Variants in PRTG observed in about 807,000 individuals in gnomAD.
PRTG encodes the protein immunoglobulin superfamily, DCC subclass, member 5.
PRTG carries 67 observed loss-of-function variants against 122.5 expected under a neutral mutation model. The ratio of observed to expected loss-of-function variants is 0.55; its 90% CI spans 0.45 to 0.67. PRTG has a LOEUF of 0.67. Ranked by LOEUF, PRTG falls within the 30% of genes least tolerant of loss-of-function variation. The probability of loss-of-function intolerance (pLI) is 0.00; values close to 1 mark genes in which losing one functional copy is unlikely to be tolerated. For synonymous variants in PRTG, 554 were observed against 501.1 expected (o/e 1.11, Z -1.41); for missense variants, 1,435 against 1,415.4 (o/e 1.01, Z -0.22).
At chr15:55,727,725 G>A (rs1021442948) in intron 2 of PRTG, among the ~76,000 whole-genome samples, 25 of 152,098 alleles carry the variant, frequency 1.6e-4, no homozygotes, top group African/African-American at 5.8e-4. Flanking sequence ...GAACCCAGCG[G>A]GCAGTGGTTG....
chr15:55,738,086 AT>A (rs2031493831), intron 2 of PRTG: 1 of 143,030 alleles, frequency 7.0e-6, no homozygotes, highest in Non-Finnish European at 1.5e-5. Flanking sequence ...ATATATATAT[AT>A]ATATATTTAC....
At chr15:55,719,730 C>T (rs976654744) in intron 2 of PRTG, among the ~76,000 whole-genome samples, 6 of 152,106 alleles carry the variant, frequency 3.9e-5, no homozygotes, top group African/African-American at 1.4e-4. Flanking sequence ...GAGAAATTGT[C>T]TCACTTAAGT....
At chr15:55,623,266 C>T (rs1452796283) in intron 18 of PRTG, among the ~76,000 whole-genome samples, 2 of 151,822 alleles carry the variant, frequency 1.3e-5, no homozygotes, top group African/African-American at 4.8e-5. Context: ...TTGTAAACAA[C>T]CTTTAAAAAT....
intron 11 of PRTG, among the ~76,000 whole-genome samples, chr15:55,642,034 C>T (rs535695295): frequency 6.6e-6 from 1 of 150,634 alleles, no homozygotes; most frequent in African/African-American, 2.4e-5. Context: ...ATTAGCCGGG[C>T]GCAGTGGCGG....
At chr15:55,664,178 G>A (rs1196018992) in intron 11 of PRTG, among the ~76,000 whole-genome samples, 5 of 151,948 alleles carry the variant, frequency 3.3e-5, no homozygotes, top group African/African-American at 1.2e-4. Context: ...AGTTTCACTC[G>A]TTGCCCAGGC....
Position 55,639,775 on chromosome 15 carries a change from T to G in PRTG, c.2191A>C (p.Lys731Gln), listed in dbSNP as rs754307606. Residue 731 changes from lysine (K) to glutamine (Q), a missense_variant, in exon 13 of 20, where the codon AAG becomes CAG. By Grantham distance (53) the Lys-to-Gln change is moderately conservative. Coordinates refer to ENST00000389286, the MANE Select transcript of PRTG (RefSeq NM_173814.6). Reference protein sequence around the residue: ...PPPPPHHLYAKANTSSSIFLH... With the variant: ...PPPPPHHLYAQANTSSSIFLH... Reference sequence around the variant, plus strand: ...AAGATGGAAGATGAGGTGTTAGCCTTCGCATAGAGATGGTGGGGTGGTGGT... The same window carrying G: ...AAGATGGAAGATGAGGTGTTAGCCTGCGCATAGAGATGGTGGGGTGGTGGT... 6.2e-7 allele frequency: 1 copy of G among 1,614,186 alleles called. No homozygotes were observed. The highest frequency in any genetic ancestry group is 1.1e-5 in the South Asian group (1 of 91,076).
At chr15:55,651,478 TC>T (rs1265484416) in intron 11 of PRTG, among the ~76,000 whole-genome samples, 1 of 152,136 alleles carries the variant, frequency 6.6e-6, no homozygotes, top group Non-Finnish European at 1.5e-5. Context: ...GTAGGAAGCT[TC>T]TATACCATAC....
intron 2 of PRTG, among the ~76,000 whole-genome samples, chr15:55,692,811 G>A (rs537511416): frequency 2.5e-5 from 3 of 118,752 alleles, no homozygotes; most frequent in Non-Finnish European, 5.5e-5. Context: ...AGTGTTTACT[G>A]TTTTTCCAAT....
intron 2 of PRTG, among the ~76,000 whole-genome samples, chr15:55,690,708 TAATC>T (rs2059595918): frequency 6.6e-6 from 1 of 152,172 alleles, no homozygotes; most frequent in Admixed American, 6.5e-5. Flanking sequence ...AGATAAGGAA[TAATC>T]AACCCAAATT....
chr15:55,659,495 T>G (rs530917753), intron 11 of PRTG, among the ~76,000 whole-genome samples: 3 of 152,272 alleles, frequency 2.0e-5, no homozygotes, highest in African/African-American at 7.2e-5. Flanking sequence ...CAAACTATAG[T>G]GTCCACTATT....
chr15:55,683,510 G>A (rs2059552917), intron 3 of PRTG, among the ~76,000 whole-genome samples: 1 of 152,104 alleles, frequency 6.6e-6, no homozygotes, highest in Non-Finnish European at 1.5e-5. Context: ...CTAAAACCCT[G>A]GGCTGCAGTC....
At chr15:55,714,612 C>G (rs558213661) in intron 2 of PRTG, among the ~76,000 whole-genome samples, 2 of 152,078 alleles carry the variant, frequency 1.3e-5, no homozygotes, top group African/African-American at 4.8e-5. Flanking sequence ...ATTTCCCCTC[C>G]TTATGCATCA....
At chr15:55,653,891 T>G (rs373780916) in intron 11 of PRTG, among the ~76,000 whole-genome samples, 14 of 152,260 alleles carry the variant, frequency 9.2e-5, no homozygotes, top group African/African-American at 3.1e-4. Context: ...TTTTTGATCA[T>G]GTAATTTCAT....
intron 18 of PRTG, among the ~76,000 whole-genome samples, chr15:55,623,055 T>C (rs1164291594): frequency 1.3e-5 from 2 of 152,214 alleles, no homozygotes; most frequent in Admixed American, 1.3e-4. Context: ...ATCTGTTGAA[T>C]ATAATTCATA....
rs570902378 is a variant in PRTG at position 55,618,242 on chromosome 15, A to C, written c.*1770T>G. The C allele has an allele frequency of 6.6e-6, 1 of 152,310 alleles. No homozygotes were observed. The highest frequency in any genetic ancestry group is 1.9e-4 in the East Asian group (1 of 5,188). The allele number at this position is 152,310 out of a possible 1,614,324, so 9.4% of individuals were successfully genotyped here. A position where few individuals can be genotyped will look rare whatever the true frequency, so the allele number is the denominator to read the frequency against. On this transcript the variant is annotated 3_prime_UTR_variant, in exon 20 of 20. Transcript: ENST00000389286. ...AAAATTACAGATTTAAAAAAATTAA[A>C]AATGTTATATCTACAGTCATTAGAC...
intron 11 of PRTG, chr15:55,655,375 A>G (rs1182559952): frequency 6.6e-6 from 1 of 152,192 alleles, no homozygotes; most frequent in Non-Finnish European, 1.5e-5. Context: ...AACCTCAAAC[A>G]AATTAAGCAT....
intron 2 of PRTG, chr15:55,703,089 ATTTT>A (rs1193487128): frequency 5.1e-6 from 1 of 195,538 alleles, no homozygotes; most frequent in African/African-American, 2.4e-5. Flanking sequence ...TGAGAAATGG[ATTTT>A]CTAGAGTGGC....
At chr15:55,658,313 T>A (rs6493804) in intron 11 of PRTG, among the ~76,000 whole-genome samples, 4,175 of 151,608 alleles carry the variant, frequency 0.028, 194 homozygotes, top group African/African-American at 0.097. Flanking sequence ...CATTATTGTT[T>A]TTATTTTTTT....
chr15:55,611,688 G>A lies in PRTG; in HGVS notation c.*8324C>T, dbSNP rs2059120977. The stretch of plus-strand genomic sequence containing the variant: ...AGTATATAAACTACCCAGTGGGGTG[G>A]GGGCAAGTACTAAGCAATATTTACT... On this transcript the variant is annotated 3_prime_UTR_variant, in exon 20 of 20. Coordinates refer to ENST00000389286, the MANE Select transcript of PRTG (RefSeq NM_173814.6). 1.3e-5 allele frequency: 2 copies of A among 151,778 alleles called. No homozygotes were observed. Among genetic ancestry groups the A allele is most frequent in the South Asian group, 4.2e-4 (2 of 4,816 alleles). The allele number at this position is 151,778 out of a possible 1,614,324, so 9.4% of individuals were successfully genotyped here. A position where few individuals can be genotyped will look rare whatever the true frequency, so the allele number is the denominator to read the frequency against.
Sources: allele counts gnomAD v4.1 joint callset (sites outside exome capture counted in the v4.1 genomes callset), GRCh38; gene constraint gnomAD v4.1.1; transcripts MANE v1.5; gene names NCBI Gene and HGNC (gene_info 2026-07-23, HGNC 2026-07-21).